The following MAPK6 variants were observed in gnomAD, a reference collection of about 807,000 sequenced individuals.
MAPK6 encodes mitogen-activated protein kinase 6.
Under a neutral mutation model 59.3 loss-of-function variants are expected in MAPK6, and 19 were observed. That is an observed-to-expected ratio of 0.32 (90% confidence interval 0.22 to 0.47). The LOEUF is 0.47. MAPK6 is among the 20% of genes least tolerant of loss of function. MAPK6 has a pLI of 1.00. For synonymous variants in MAPK6, 316 were observed against 290.3 expected, an observed-to-expected ratio of 1.09 and a Z score of -0.90; for missense variants, 724 against 847.9, an observed-to-expected ratio of 0.85 and a Z score of 1.81.
At chr15:51,972,125 T>TC (rs1303143120) in intron 1 of MAPK6, among the ~76,000 whole-genome samples, 1 of 151,654 alleles carries the variant, frequency 6.6e-6, no homozygotes, top group Non-Finnish European at 1.5e-5. Context: ...AGTTATTTCA[T>TC]CCCAAACCCC....
intron 3 of MAPK6, among the ~76,000 whole-genome samples, chr15:52,013,034 T>A (rs1282579337): frequency 4.3e-5 from 4 of 93,658 alleles, no homozygotes; most frequent in African/African-American, 1.6e-4. Flanking sequence ...TATATATATA[T>A]ATATATATAT....
chr15:52,013,209 T>C (rs2030142631), intron 3 of MAPK6, among the ~76,000 whole-genome samples: 1 of 151,266 alleles, frequency 6.6e-6, no homozygotes, highest in Non-Finnish European at 1.5e-5. Flanking sequence ...CTTGCCTTCC[T>C]GAAATGACCA....
At chr15:52,020,625 A>G (rs1296858378) in intron 1 of MAPK6, among the ~76,000 whole-genome samples, 1 of 152,216 alleles carries the variant, frequency 6.6e-6, no homozygotes, top group Non-Finnish European at 1.5e-5. Context: ...GAAAACTGAG[A>G]TGGAAAGAAT....
At chr15:52,053,265 G>A (rs2031842766) in intron 3 of MAPK6, among the ~76,000 whole-genome samples, 1 of 151,834 alleles carries the variant, frequency 6.6e-6, no homozygotes, top group Admixed American at 6.6e-5. Flanking sequence ...TAGTAGAGAC[G>A]GGGTTTCACC....
chr15:51,978,828 G>C (rs1230748733), intron 1 of MAPK6, among the ~76,000 whole-genome samples: 1 of 151,726 alleles, frequency 6.6e-6, no homozygotes, highest in East Asian at 1.9e-4. Flanking sequence ...TACATGTCAA[G>C]AATTTGAAGG....
chr15:51,993,426 A>G (rs1316329917), intron 2 of MAPK6, among the ~76,000 whole-genome samples: 1 of 152,332 alleles, frequency 6.6e-6, no homozygotes, highest in East Asian at 1.9e-4. Context: ...ATTGTTTACA[A>G]ATGGAAGGAT....
At chr15:51,989,046 A>G (rs1243973081) in intron 2 of MAPK6, among the ~76,000 whole-genome samples, 1 of 151,152 alleles carries the variant, frequency 6.6e-6, no homozygotes, top group Non-Finnish European at 1.5e-5. Flanking sequence ...CCACCAAATA[A>G]TACAGGATAA....
At chr15:52,015,696 C>T (rs1388541039), upstream of MAPK6, among the ~76,000 whole-genome samples, 1 of 150,578 alleles carries the variant, frequency 6.6e-6, no homozygotes, top group African/African-American at 2.4e-5. Context: ...AGGTGATCCG[C>T]CCACCTTAGC....
chr15:52,062,734 C>G (rs1483541345), intron 5 of MAPK6, among the ~76,000 whole-genome samples: 2 of 152,176 alleles, frequency 1.3e-5, no homozygotes, highest in Admixed American at 1.3e-4. Flanking sequence ...CACTGCACTC[C>G]AGCCTGGGCG....
intron 1 of MAPK6, among the ~76,000 whole-genome samples, chr15:52,038,926 T>C (rs919260682): frequency 2.6e-5 from 4 of 152,228 alleles, no homozygotes; most frequent in Non-Finnish European, 4.4e-5. Context: ...TTGTAAATCA[T>C]AGACTTAGAA....
intron 3 of MAPK6, chr15:52,011,305 C>T (rs1167038573): frequency 6.6e-6 from 1 of 152,282 alleles, no homozygotes; most frequent in African/African-American, 2.4e-5. Context: ...AGTGACCCTC[C>T]TGTCTCAGCC....
At chr15:52,018,343 T>G (rs1473822441), upstream of MAPK6, among the ~76,000 whole-genome samples, 1 of 152,208 alleles carries the variant, frequency 6.6e-6, no homozygotes, top group Non-Finnish European at 1.5e-5. Flanking sequence ...GTGATCTTTT[T>G]GAAGTGGTCT....
rs758130110 is a variant in MAPK6 at position 52,064,238 on chromosome 15, T to C, written c.1404T>C (p.Tyr468=). 4.3e-6 allele frequency: 7 copies of C among 1,611,424 alleles called. No homozygotes were observed. Among genetic ancestry groups the C allele is most frequent in the Non-Finnish European group, 5.9e-6 (7 of 1,179,600 alleles). Residue 468 remains tyrosine (Y), a synonymous_variant, in exon 6 of 6, where the codon TAT becomes TAC. Coordinates refer to ENST00000261845, the MANE Select transcript of MAPK6 (RefSeq NM_002748.4). ...GAGAGAGTGAAGTTAACCATTACTA[T>C]GAACCCAAGCTTATTATAGATCTTT... ...VWRESEVNHY[Y]EPKLIIDLSN... is the part of the protein sequence containing the mutation.
chr15:52,051,843 C>T (rs1806968152), intron 3 of MAPK6, among the ~76,000 whole-genome samples: 1 of 149,544 alleles, frequency 6.7e-6, no homozygotes, highest in African/African-American at 2.5e-5. Context: ...CATTGCACTC[C>T]AGCCTGGGCG....
In MAPK6 at chr15:52,065,019, A is replaced by G; in HGVS notation, c.*19A>G. The G allele has an allele frequency of 6.4e-7, 1 of 1,561,552 alleles. No homozygotes were observed. The highest frequency in any genetic ancestry group is 8.7e-7 in the Non-Finnish European group (1 of 1,151,518). On this transcript the variant is annotated 3_prime_UTR_variant, in exon 6 of 6. Transcript: ENST00000261845. ...GAACTAAAACACTCAGCAGACATTTATCTTTGTATTCTTCATGAAATGTGT... is the reference window on the plus strand; with the variant it reads ...GAACTAAAACACTCAGCAGACATTTGTCTTTGTATTCTTCATGAAATGTGT...
chr15:51,993,853 C>G (rs2057217051), intron 2 of MAPK6, among the ~76,000 whole-genome samples: 1 of 148,290 alleles, frequency 6.7e-6, no homozygotes, highest in Non-Finnish European at 1.5e-5. Flanking sequence ...AGGCTAGTCT[C>G]AAACTCCTGG....
chr15:52,002,096 G>A (rs191262630), intron 2 of MAPK6, among the ~76,000 whole-genome samples: 13 of 152,282 alleles, frequency 8.5e-5, no homozygotes, highest in Admixed American at 3.3e-4. Context: ...ACCCTCTGGC[G>A]AAAGCTTTCA....
intron 3 of MAPK6, among the ~76,000 whole-genome samples, chr15:52,052,290 G>C (rs1485325622): frequency 1.3e-5 from 2 of 152,090 alleles, no homozygotes. Context: ...CTCACCATGT[G>C]GGCTTCTCCA....
At chr15:52,004,210 A>G (rs767383119) in intron 2 of MAPK6, 1 of 152,200 alleles carries the variant, frequency 6.6e-6, no homozygotes, top group Non-Finnish European at 1.5e-5. Flanking sequence ...ACTCCTTCAT[A>G]ACCTGCTGTA....
Sources: gnomAD v4.1 joint callset for allele counts (sites outside exome capture counted in the v4.1 genomes callset) on GRCh38, gnomAD v4.1.1 for gene constraint, MANE v1.5 for transcripts, NCBI Gene and HGNC (gene_info 2026-07-23, HGNC 2026-07-21) for gene names.